Variants in MYOM1 observed in about 807,000 individuals in gnomAD.
MYOM1 encodes myomesin 1.
A neutral mutation model predicts 205.3 loss-of-function variants in MYOM1; 164 were observed. The ratio of observed to expected loss-of-function variants is 0.80; its 90% CI spans 0.70 to 0.91. MYOM1 has a LOEUF of 0.91. Among genes scored for constraint, MYOM1 ranks in the 40% least tolerant of loss-of-function variants. The probability of loss-of-function intolerance (pLI) is 0.00; values close to 1 mark genes in which losing one functional copy is unlikely to be tolerated. For missense variants in MYOM1, 2,011 were observed against 2,127.3 expected, an observed-to-expected ratio of 0.95 and a Z score of 1.08; for synonymous variants, 772 against 789.4, an observed-to-expected ratio of 0.98 and a Z score of 0.37.
chr18:3,067,294 C>A lies in MYOM1; in HGVS notation c.5026G>T (p.Glu1676Ter). ...PEEEARMAAL[E>*]SLKGGKKAK is the part of the protein sequence containing the mutation. Reference sequence around the variant, plus strand: ...GCCTTCTTGCCACCTTTCAGGGACTCCAAGGCGGCCATCCTCGCCTCCTCC... The same window carrying A: ...GCCTTCTTGCCACCTTTCAGGGACTACAAGGCGGCCATCCTCGCCTCCTCC... Residue 1676 changes from glutamate (E) to a stop codon, truncating the protein, a stop_gained, in exon 38 of 38, where the codon GAG becomes TAG. Transcript: ENST00000356443. LOFTEE classifies it high-confidence loss of function. 1.2e-6 allele frequency: 2 copies of A among 1,609,076 alleles called. No individual in the cohort carries two copies. Among genetic ancestry groups the A allele is most frequent in the South Asian group, 2.2e-5 (2 of 90,322 alleles).
Position 3,154,076 on chromosome 18 carries a change from C to T in MYOM1, c.1643+871G>A, listed in dbSNP as rs929288561. ...GTTACTTCTTTGTATAACTTGAAAA[C>T]ACATCCTGAGGTAGAAATAAGACTT... On this transcript the variant is annotated intron_variant, in intron 11 of 37. Transcript: ENST00000356443. 9.9e-5 allele frequency among the ~76,000 whole-genome samples: 15 copies of T among 152,104 alleles called. No homozygotes were observed. In the South Asian group the frequency reaches 2.9e-3, roughly 29 times the overall value.
rs7504276 is a variant in MYOM1, at chr18:3,155,503, C to T, written c.1502-415G>A. 1.7e-4 allele frequency among the ~76,000 whole-genome samples: 26 copies of T among 152,292 alleles called. No homozygotes were observed. In the East Asian group the frequency reaches 3.3e-3, roughly 19 times the overall value. ...CCTCCCAAAGTGCTGGGATTACAGG[C>T]GTGAGCCATCACACCCGGCCAAATC... On this transcript the variant is annotated intron_variant, in intron 10 of 37. Transcript: ENST00000356443.
chr18:3,079,146 G>A, intron 34 of MYOM1, 33 bp downstream of exon 34: 1 of 1,606,098 alleles, frequency 6.2e-7, no homozygotes, highest in East Asian at 2.2e-5. Flanking sequence ...CATTCATCTA[G>A]AGTAAATTTG....
At position 3,151,810 on chromosome 18, in the gene MYOM1, T is replaced by A. The variant is rs750503910; in HGVS notation, c.1727A>T (p.Glu576Val). The change falls in exon 12 of 38, where the codon GAA becomes GTA. Residue 576 changes from glutamate to valine, a missense_variant. Glu to Val is a moderately radical substitution (Grantham distance 121). Coordinates refer to ENST00000356443, the MANE Select transcript of MYOM1 (RefSeq NM_003803.4). ...FARFPVTGLI[E>V]GRSYIFRVRA... Reference sequence around the variant, plus strand: ...AACTCGGAAGATATAGGAACGACCTTCGATCAATCCAGTGACAGGAAAACG... The same window carrying A: ...AACTCGGAAGATATAGGAACGACCTACGATCAATCCAGTGACAGGAAAACG... 6.2e-7 allele frequency: 1 copy of A among 1,613,912 alleles called. No homozygotes were observed. Among genetic ancestry groups the A allele is most frequent in the South Asian group, 1.1e-5 (1 of 91,074 alleles).
intron 20 of MYOM1, among the ~76,000 whole-genome samples, chr18:3,119,194 C>T (rs1328119100): frequency 1.3e-5 from 2 of 152,068 alleles, no homozygotes; most frequent in African/African-American, 4.8e-5. Context: ...CTCTGAAGAA[C>T]AGTATTTGCC....
At chr18:3,096,269 C>T (rs750297713) in intron 25 of MYOM1, among the ~76,000 whole-genome samples, 38 of 152,128 alleles carry the variant, frequency 2.5e-4, no homozygotes, top group Non-Finnish European at 3.1e-4. Flanking sequence ...ATGTTCTTCC[C>T]CTCTAAAATC....
At chr18:3,244,073 G>A in the MYOM1 span, among the ~76,000 whole-genome samples, 1 of 152,106 alleles carries the variant, frequency 6.6e-6, no homozygotes, top group Admixed American at 6.6e-5. Context: ...TGACTTTTTG[G>A]GCTGAATAAC....
chr18:3,109,138 C>T (rs560734409), intron 22 of MYOM1, among the ~76,000 whole-genome samples: 8 of 151,838 alleles, frequency 5.3e-5, no homozygotes, highest in Admixed American at 5.3e-4. Flanking sequence ...CCGCCACACG[C>T]CCAGCTAATT....
At chr18:3,123,827 A>ATTTTTTTTTTTTTTTTTTTTTTTTT (rs5822739) in intron 19 of MYOM1, among the ~76,000 whole-genome samples, 12 of 147,368 alleles carry the variant, frequency 8.1e-5, no homozygotes, top group African/African-American at 2.8e-4. Flanking sequence ...ATTTTTATTT[A>ATTTTTTTTTTTTTTTTTTTTTTTTT]TTTATTTTTT....
At chr18:3,182,691 A>C (rs1175884930) in intron 5 of MYOM1, among the ~76,000 whole-genome samples, 2 of 152,118 alleles carry the variant, frequency 1.3e-5, no homozygotes, top group Non-Finnish European at 2.9e-5. Context: ...TCATTATGCA[A>C]ATAAAACAAA....
chr18:3,148,861 A>G lies in MYOM1; in HGVS notation c.1900+284T>C, dbSNP rs974768879. 4.0e-5 allele frequency among the ~76,000 whole-genome samples: 6 copies of G among 149,960 alleles called. No homozygotes were observed. The East Asian group carries it at 5.8e-4, about 15-fold the overall frequency. ...ACTCCATCCAAAAAAAAAAAAAAAA[A>G]AAAAAAAAAAAGAAAATGGTGATGG... On this transcript the variant is annotated intron_variant, in intron 13 of 37. Coordinates refer to ENST00000356443, the MANE Select transcript of MYOM1 (RefSeq NM_003803.4).
intron 5 of MYOM1, among the ~76,000 whole-genome samples, chr18:3,182,913 CTTTTTTTTTTTTTTTTTTTTTTT>C (rs549386891): frequency 4.3e-5 from 4 of 92,266 alleles, no homozygotes; most frequent in Non-Finnish European, 9.2e-5. Context: ...TTTCTTTCTT[CTTTTTTTTTTTTTTTTTTTTTTT>C]TTTTTTGAGA....
intron 20 of MYOM1, among the ~76,000 whole-genome samples, chr18:3,119,300 A>G (rs1357538338): frequency 6.6e-6 from 1 of 152,190 alleles, no homozygotes; most frequent in Non-Finnish European, 1.5e-5. Context: ...GAGAGAGGTC[A>G]GCCTTAAACC....
chr18:3,138,057 A>T (rs989730753), intron 14 of MYOM1, among the ~76,000 whole-genome samples: 3 of 152,252 alleles, frequency 2.0e-5, no homozygotes, highest in Admixed American at 2.0e-4. Context: ...AAAATGATTT[A>T]GAGTGACTTG....
At chr18:3,087,775 C>T (rs1428701367) in intron 29 of MYOM1, among the ~76,000 whole-genome samples, 1 of 152,168 alleles carries the variant, frequency 6.6e-6, no homozygotes, top group Non-Finnish European at 1.5e-5. Flanking sequence ...CAGGCATGAG[C>T]CACCGCTCCC....
At chr18:3,194,200 T>C (rs1327092362) in intron 2 of MYOM1, among the ~76,000 whole-genome samples, 2 of 152,154 alleles carry the variant, frequency 1.3e-5, no homozygotes, top group African/African-American at 4.8e-5. Flanking sequence ...CATGGCTTTT[T>C]CCCCCACTTA....
At chr18:3,214,877 C>T in intron 2 of MYOM1, 57 bp downstream of exon 2, 5 of 1,508,084 alleles carry the variant, frequency 3.3e-6, no homozygotes, top group Non-Finnish European at 3.5e-6. Flanking sequence ...GGGAGGGTTA[C>T]TCAGAGCACA....
intron 20 of MYOM1, among the ~76,000 whole-genome samples, chr18:3,119,593 G>GC (rs1459319643): frequency 6.6e-6 from 1 of 152,172 alleles, no homozygotes; most frequent in Non-Finnish European, 1.5e-5. Flanking sequence ...TTGCACTCAA[G>GC]CCGGCTGCCT....
chr18:3,071,795 A>G, intron 37 of MYOM1, 39 bp downstream of exon 37: 1 of 1,571,128 alleles, frequency 6.4e-7, no homozygotes, highest in Non-Finnish European at 8.6e-7. Flanking sequence ...ACCTGTTCAT[A>G]GTGCAGAAGG....
Sources: allele counts gnomAD v4.1 joint callset (sites outside exome capture counted in the v4.1 genomes callset), GRCh38; gene constraint gnomAD v4.1.1; transcripts MANE v1.5; gene names NCBI Gene and HGNC (gene_info 2026-07-23, HGNC 2026-07-21).